Variants in GDI2 observed in about 807,000 individuals in gnomAD.
GDI2 encodes GDP dissociation inhibitor 2, also known as rab GDP dissociation inhibitor beta.
In GDI2, 22 loss-of-function variants were observed where a neutral mutation model predicts 54.2. The observed-to-expected ratio is 0.41, with a 90% CI of 0.29 to 0.58. The LOEUF (loss-of-function observed/expected upper bound fraction) is 0.58. GDI2 is among the 20% of genes least tolerant of loss of function. GDI2 has a pLI of 0.35. For missense variants in GDI2, 422 were observed against 546.0 expected (o/e 0.77, Z 2.26); for synonymous variants, 177 against 182.1 (o/e 0.97, Z 0.23).
At chr10:5,775,112 AC>A (rs1487476077) in intron 6 of GDI2, among the ~76,000 whole-genome samples, 1 of 152,052 alleles carries the variant, frequency 6.6e-6, no homozygotes, top group Non-Finnish European at 1.5e-5. Context: ...ACATGCTGAA[AC>A]CCTGTTTCTA....
chr10:5,803,486 T>G (rs1326398064), intron 1 of GDI2, among the ~76,000 whole-genome samples: 1 of 152,192 alleles, frequency 6.6e-6, no homozygotes, highest in Non-Finnish European at 1.5e-5. Flanking sequence ...GTAATCGGTT[T>G]ATTATTTGTC....
chr10:5,790,041 A>C (rs1159617096), intron 4 of GDI2, among the ~76,000 whole-genome samples: 2 of 152,244 alleles, frequency 1.3e-5, no homozygotes, highest in Non-Finnish European at 2.9e-5. Flanking sequence ...TTAGTGCAAC[A>C]CCATAAACAC....
chr10:5,801,340 T>C (rs1206025382), intron 1 of GDI2, among the ~76,000 whole-genome samples: 1 of 152,214 alleles, frequency 6.6e-6, no homozygotes, highest in Non-Finnish European at 1.5e-5. Flanking sequence ...TAAACTATAC[T>C]AGTCATCATT....
chr10:5,795,886 A>C (rs1364507747), intron 3 of GDI2, among the ~76,000 whole-genome samples: 1 of 152,128 alleles, frequency 6.6e-6, no homozygotes, highest in African/African-American at 2.4e-5. Flanking sequence ...GCATTACTAC[A>C]CTCCAGCCTG....
chr10:5,782,563 A>C (rs1564392144), intron 6 of GDI2, among the ~76,000 whole-genome samples: 2 of 152,210 alleles, frequency 1.3e-5, no homozygotes, highest in African/African-American at 4.8e-5. Flanking sequence ...CAAAAACTGA[A>C]AACTAACTAG....
At chr10:5,779,857 T>C (rs1840712529) in intron 6 of GDI2, among the ~76,000 whole-genome samples, 1 of 152,026 alleles carries the variant, frequency 6.6e-6, no homozygotes, top group South Asian at 2.1e-4. Flanking sequence ...CACACCCAGC[T>C]AATTTTTTGT....
At chr10:5,769,805 T>C (rs1840443925) in intron 7 of GDI2, among the ~76,000 whole-genome samples, 1 of 152,202 alleles carries the variant, frequency 6.6e-6, no homozygotes, top group African/African-American at 2.4e-5. Context: ...GTCCAGCCAC[T>C]ATGGAAAATG....
At chr10:5,770,487 G>A (rs566723943) in intron 7 of GDI2, among the ~76,000 whole-genome samples, 4 of 152,078 alleles carry the variant, frequency 2.6e-5, no homozygotes, top group East Asian at 3.9e-4. Context: ...ACTTGAATAC[G>A]GGAGGCAGAG....
At position 5,768,444 on chromosome 10, in the gene GDI2, A is replaced by G; in HGVS notation, c.820-60T>C. 9.3e-7 allele frequency: 1 copy of G among 1,078,106 alleles called. No individual in the cohort carries two copies. Among genetic ancestry groups the G allele is most frequent in the Non-Finnish European group, 1.4e-6 (1 of 709,876 alleles). The allele number at this position is 1,078,106 out of a possible 1,614,324, so 66.8% of individuals were successfully genotyped here. A position where few individuals can be genotyped will look rare whatever the true frequency, so the allele number is the denominator to read the frequency against. Reference sequence around the variant, plus strand: ...ACAAGGATATAGGGAAACACATCCCATGTTCATAGTTTGGAAGACTTAGTA... The same window carrying G: ...ACAAGGATATAGGGAAACACATCCCGTGTTCATAGTTTGGAAGACTTAGTA... On this transcript the variant is annotated intron_variant, in intron 7 of 10. Transcript: ENST00000380191. The surrounding 1 kb of genome is among the most constrained non-coding windows in gnomAD (Gnocchi z 4.4).
intron 6 of GDI2, among the ~76,000 whole-genome samples, chr10:5,782,253 A>G (rs925242767): frequency 2.6e-5 from 4 of 152,176 alleles, no homozygotes; most frequent in African/African-American, 4.8e-5. Flanking sequence ...AAGAAATACA[A>G]ATTAAAACCA....
chr10:5,787,544 C>A (rs930614226), intron 4 of GDI2, among the ~76,000 whole-genome samples: 1 of 151,916 alleles, frequency 6.6e-6, no homozygotes, highest in African/African-American at 2.4e-5. Context: ...TTAATGACAA[C>A]TGACTACATT....
chr10:5,797,501 C>T (rs559284218), intron 2 of GDI2, among the ~76,000 whole-genome samples: 6 of 134,444 alleles, frequency 4.5e-5, no homozygotes, highest in African/African-American at 8.4e-5. Context: ...GCCGAGATAG[C>T]GTGACTGCAC....
At chr10:5,795,917 G>A (rs1841137180) in intron 3 of GDI2, among the ~76,000 whole-genome samples, 1 of 147,346 alleles carries the variant, frequency 6.8e-6, no homozygotes, top group African/African-American at 2.5e-5. Context: ...TGAAACCCCT[G>A]TCTCTAAAAA....
intron 2 of GDI2, among the ~76,000 whole-genome samples, chr10:5,798,845 C>T (rs1400373961): frequency 3.7e-5 from 5 of 133,630 alleles, no homozygotes; most frequent in Non-Finnish European, 7.9e-5. Context: ...CATGGTGGTC[C>T]ACACCTGTAA....
intron 1 of GDI2, among the ~76,000 whole-genome samples, chr10:5,805,766 A>G (rs1052336053): frequency 1.3e-5 from 2 of 152,208 alleles, no homozygotes; most frequent in Admixed American, 6.5e-5. Context: ...ATTATATATA[A>G]GAATAACCTG....
chr10:5,779,028 CAACAGA>C (rs1338564133), intron 6 of GDI2, among the ~76,000 whole-genome samples: 1 of 152,078 alleles, frequency 6.6e-6, no homozygotes, highest in African/African-American at 2.4e-5. Flanking sequence ...GAAAAACAAA[CAACAGA>C]AACAGATGCC....
intron 4 of GDI2, among the ~76,000 whole-genome samples, chr10:5,792,205 C>T (rs371413351): frequency 6.6e-6 from 1 of 152,148 alleles, no homozygotes; most frequent in Non-Finnish European, 1.5e-5. Context: ...TAAAGTCAGA[C>T]AGACCTGGCT....
intron 4 of GDI2, among the ~76,000 whole-genome samples, chr10:5,790,957 A>C (rs1179294662): frequency 6.6e-6 from 1 of 151,954 alleles, no homozygotes; most frequent in Non-Finnish European, 1.5e-5. Flanking sequence ...GGAATTCAAG[A>C]CCAGCCTAGA....
intron 2 of GDI2, 112 bp from the exon 3 acceptor site, chr10:5,796,974 G>T: frequency 1.7e-6 from 1 of 580,696 alleles, no homozygotes; most frequent in Non-Finnish European, 3.1e-6. Flanking sequence ...CACCATGCTA[G>T]TAAAGTATAA....
Sources: gnomAD v4.1 joint callset for allele counts (sites outside exome capture counted in the v4.1 genomes callset) on GRCh38, gnomAD v4.1.1 for gene constraint, Gnocchi (gnomAD v3.1) non-coding constraint, MANE v1.5 for transcripts, NCBI Gene and HGNC (gene_info 2026-07-23, HGNC 2026-07-21) for gene names.